UGT2A3: variants seen among roughly 807,000 people sequenced by gnomAD.
The protein encoded by UGT2A3 is UDP glucuronosyltransferase family 2 member A3.
A neutral mutation model predicts 44.1 loss-of-function variants in UGT2A3; 55 were observed. The observed-to-expected ratio is 1.25, with a 90% CI of 1.00 to 1.56. The LOEUF is 1.56. Among genes scored for constraint, UGT2A3 ranks in the 40% most tolerant of loss-of-function variants. The pLI is 0.00. For missense variants in UGT2A3, 733 were observed against 621.6 expected, an observed-to-expected ratio of 1.18 and a Z score of -1.91; for synonymous variants, 243 against 215.1, an observed-to-expected ratio of 1.13 and a Z score of -1.13.
Position 68,929,676 on chromosome 4 carries a change from AT to A in UGT2A3, c.*136del, listed in dbSNP as rs1313344780. On this transcript the variant is annotated 3_prime_UTR_variant, in exon 6 of 6. Transcript: ENST00000251566. The stretch of plus-strand genomic sequence containing the variant: ...AATGAGATATACTCACAACCTCATG[AT>A]CGTGGAATTCTAGGCTATATAGCTA... 2.9e-5 allele frequency: 23 copies of A among 793,448 alleles called. No homozygotes were observed. Among genetic ancestry groups the A allele is most frequent in the Non-Finnish European group, 4.6e-5 (23 of 502,584 alleles). 49.2% of individuals were successfully genotyped at this position (793,448 alleles called of 1,614,324 possible). A position where few individuals can be genotyped will look rare whatever the true frequency, so the allele number is the denominator to read the frequency against.
intron 2 of UGT2A3, chr4:68,943,216 T>A (rs1267472268): frequency 5.1e-6 from 3 of 593,218 alleles, no homozygotes; most frequent in Admixed American, 8.5e-5. Context: ...TTTGTGTGTG[T>A]GTGTTTGTGT....
intron 2 of UGT2A3, among the ~76,000 whole-genome samples, chr4:68,943,600 T>C (rs1423119046): frequency 1.3e-5 from 2 of 151,754 alleles, no homozygotes; most frequent in Non-Finnish European, 2.9e-5. Flanking sequence ...GGTAAATTCT[T>C]ATAATTTTAT....
chr4:68,932,691 A>T lies in UGT2A3; in HGVS notation c.933T>A (p.Phe311Leu), dbSNP rs766801326. ...GIVVFSLGSL[F>L]QNVTEEKANI... ...TAGCCTTTTCTTCTGTAACATTTTG[A>T]AACAGTGACCCCAGAGAAAACACCA... Residue 311 changes from phenylalanine to leucine, a missense_variant, in exon 3 of 6, where the codon TTT (phenylalanine) becomes TTA (leucine). Coordinates refer to ENST00000251566, the MANE Select transcript of UGT2A3 (RefSeq NM_024743.4). 5.6e-6 allele frequency: 9 copies of T among 1,612,086 alleles called. No homozygotes were observed. The highest frequency in any genetic ancestry group is 7.6e-6 in the Non-Finnish European group (9 of 1,178,904).
At chr4:68,948,498 T>A (rs1718466485) in intron 1 of UGT2A3, among the ~76,000 whole-genome samples, 1 of 140,264 alleles carries the variant, frequency 7.1e-6, no homozygotes, top group Admixed American at 7.8e-5. Context: ...TGGAGTGCAG[T>A]GGAGCAATCA....
chr4:68,945,402 T>C lies in UGT2A3; in HGVS notation c.768A>G (p.Ile256Met), dbSNP rs1718348635. ...GAAATTCAAAATCCCAATATGTTCG[T>C]ATTAGCCATATCTCAGCTTTTCCCA... Reference protein sequence around the residue: ...ETVGKAEIWLIRTYWDFEFPQ... With the variant: ...ETVGKAEIWLMRTYWDFEFPQ... The change falls in exon 2 of 6, where the codon ATA becomes ATG. Residue 256 changes from isoleucine (I) to methionine (M), a missense_variant. Transcript: ENST00000251566. 6.2e-7 allele frequency: 1 copy of C among 1,611,278 alleles called. No homozygotes were observed. The highest frequency in any genetic ancestry group is 1.3e-5 in the African/African-American group (1 of 74,832).
chr4:68,929,583 T>A lies in UGT2A3; in HGVS notation c.*230A>T, dbSNP rs1376777998. Reference sequence around the variant, plus strand: ...CATATCAGAAATAGGAAAATTTAGATGTATTCATGTCCTTGTGTCACAAAG... The same window carrying A: ...CATATCAGAAATAGGAAAATTTAGAAGTATTCATGTCCTTGTGTCACAAAG... On this transcript the variant is annotated 3_prime_UTR_variant, in exon 6 of 6. Transcript: ENST00000251566. 2 of 394,610 alleles carry A rather than the reference T, an allele frequency of 5.1e-6. No individual in the cohort carries two copies. Among genetic ancestry groups the A allele is most frequent in the East Asian group, 7.8e-5 (2 of 25,604 alleles). 24.4% of individuals were successfully genotyped at this position (394,610 alleles called of 1,614,324 possible).
chr4:68,932,959 A>T (rs548273143), intron 2 of UGT2A3, among the ~76,000 whole-genome samples, 200 bp from the exon 3 acceptor site: 1 of 152,172 alleles, frequency 6.6e-6, no homozygotes, highest in East Asian at 1.9e-4. Context: ...ATATGTAATC[A>T]TTCATACTAG....
At chr4:68,941,387 A>G (rs926721524) in intron 2 of UGT2A3, among the ~76,000 whole-genome samples, 1 of 152,092 alleles carries the variant, frequency 6.6e-6, no homozygotes, top group South Asian at 2.1e-4. Flanking sequence ...CACATAATAG[A>G]AAAAAGGCAA....
At chr4:68,947,430 A>G (rs1718419005) in intron 1 of UGT2A3, among the ~76,000 whole-genome samples, 1 of 151,668 alleles carries the variant, frequency 6.6e-6, no homozygotes, top group South Asian at 2.1e-4. Context: ...TTATAATTCT[A>G]TTTCTTTTTT....
rs777239118 is a variant in UGT2A3 at position 68,951,602 on chromosome 4, T to A, written c.159A>T (p.Val53=). ...AAGGCTTTGAGTGAGTCAATACTGTTACCTCATGGCCTCTCACTATGAGCT... is the reference window on the plus strand; with the variant it reads ...AAGGCTTTGAGTGAGTCAATACTGTAACCTCATGGCCTCTCACTATGAGCT... ...LEELIVRGHE[V]TVLTHSKPSL... Residue 53 remains valine (V), a synonymous_variant, in exon 1 of 6, where the codon GTA becomes GTT. Transcript: ENST00000251566. 1 of 1,612,984 alleles carries A rather than the reference T, an allele frequency of 6.2e-7. No individual in the cohort carries two copies. Among genetic ancestry groups the A allele is most frequent in the South Asian group, 1.1e-5 (1 of 91,060 alleles).
At chr4:68,947,905 C>T (rs983762866) in intron 1 of UGT2A3, among the ~76,000 whole-genome samples, 2 of 151,740 alleles carry the variant, frequency 1.3e-5, no homozygotes, top group Admixed American at 6.6e-5. Flanking sequence ...GTGATATCAT[C>T]CAGGCTTTGT....
Position 68,929,831 on chromosome 4 carries a change from C to T in UGT2A3, c.1566G>A (p.Lys522=), listed in dbSNP as rs746455063. The change falls in exon 6 of 6, where the codon AAG becomes AAA. Residue 522 remains lysine, a synonymous_variant. Transcript: ENST00000251566. ...GAAAGATCTATTCCCTCTTTTCTAT[C>T]TTTCTAGTTTTATTAAATTTTTGAC... ...FSCQKFNKTR[K]IEKRE 3 of 1,599,820 alleles carry T rather than the reference C, an allele frequency of 1.9e-6. No homozygotes were observed. Among genetic ancestry groups the T allele is most frequent in the Non-Finnish European group, 1.7e-6 (2 of 1,171,748 alleles).
At position 68,930,685 on chromosome 4, in the gene UGT2A3, C is replaced by T. The variant is rs982867562; in HGVS notation, c.1165G>A (p.Val389Met). The part of the protein sequence containing the change: ...YEAIYHGVPM[V>M]GVPIFGDQLD... ...TGATCACCAAATATGGGAACTCCCA[C>T]CATAGGGACCCCATGGTAAATAGCT... The change falls in exon 5 of 6, where the codon GTG becomes ATG. Residue 389 changes from valine to methionine, a missense_variant. Val to Met is a conservative substitution (Grantham distance 21). Coordinates refer to ENST00000251566, the MANE Select transcript of UGT2A3 (RefSeq NM_024743.4). 8.1e-6 allele frequency: 13 copies of T among 1,613,314 alleles called. No individual in the cohort carries two copies. Among genetic ancestry groups the T allele is most frequent in the Non-Finnish European group, 1.1e-5 (13 of 1,179,560 alleles).
At chr4:68,932,361 C>T (rs967759431) in intron 3 of UGT2A3, among the ~76,000 whole-genome samples, 4 of 151,384 alleles carry the variant, frequency 2.6e-5, no homozygotes, top group Non-Finnish European at 5.9e-5. Context: ...TTGGCACACG[C>T]TTTTAGATTT....
At chr4:68,947,828 C>T (rs1042467091) in intron 1 of UGT2A3, among the ~76,000 whole-genome samples, 3 of 151,728 alleles carry the variant, frequency 2.0e-5, no homozygotes, top group Non-Finnish European at 2.9e-5. Context: ...GAAAGGAATC[C>T]TCTTTTTTGA....
At position 68,951,260 on chromosome 4, in the gene UGT2A3, C is replaced by T. The variant is rs377542515; in HGVS notation, c.501G>A (p.Val167=). 4.8e-5 allele frequency: 77 copies of T among 1,611,434 alleles called. No individual in the cohort carries two copies. Among genetic ancestry groups the T allele is most frequent in the Non-Finnish European group, 6.4e-5 (75 of 1,178,904 alleles). The stretch of plus-strand genomic sequence containing the variant: ...CTCCTACAGAAATTCTAAGTGTGAG[C>T]ACAAAAGGGACTGCAAGCAACTCAG... ...LMAELLAVPF[V]LTLRISVGGN... Residue 167 remains valine, a synonymous_variant, in exon 1 of 6, where the codon GTG becomes GTA. Coordinates refer to ENST00000251566, the MANE Select transcript of UGT2A3 (RefSeq NM_024743.4).
At chr4:68,948,775 G>A (rs1428379557) in intron 1 of UGT2A3, among the ~76,000 whole-genome samples, 4 of 151,744 alleles carry the variant, frequency 2.6e-5, no homozygotes, top group African/African-American at 9.7e-5. Flanking sequence ...TTGGTGCAAT[G>A]GTGTAGTTTT....
chr4:68,943,677 C>G (rs998970649), intron 2 of UGT2A3, among the ~76,000 whole-genome samples: 2 of 151,874 alleles, frequency 1.3e-5, no homozygotes, highest in East Asian at 2.0e-4. Flanking sequence ...TTAGTCAACA[C>G]TGACACCGTT....
At chr4:68,943,180 T>C (rs540649614) in intron 2 of UGT2A3, 16 of 421,572 alleles carry the variant, frequency 3.8e-5, no homozygotes, top group African/African-American at 3.6e-4. Context: ...AAATATGACT[T>C]CTATGATTAT....
Sources: gnomAD v4.1 joint callset for allele counts (sites outside exome capture counted in the v4.1 genomes callset) on GRCh38, gnomAD v4.1.1 for gene constraint, MANE v1.5 for transcripts, NCBI Gene and HGNC (gene_info 2026-07-23, HGNC 2026-07-21) for gene names.